SNAP91: variants seen among roughly 807,000 people sequenced by gnomAD.
The protein encoded by SNAP91 is clathrin coat assembly protein AP180.
Under a neutral mutation model 100.3 loss-of-function variants are expected in SNAP91, and 27 were observed. That is an observed-to-expected ratio of 0.27 (90% CI 0.20 to 0.37). The LOEUF (loss-of-function observed/expected upper bound fraction) is 0.37. Among genes scored for constraint, SNAP91 ranks in the 10% least tolerant of loss-of-function variants. The probability of loss-of-function intolerance (pLI) is 1.00; values close to 1 mark genes in which losing one functional copy is unlikely to be tolerated. For missense variants in SNAP91, 986 were observed against 1,123.7 expected (o/e 0.88, Z 1.75); for synonymous variants, 404 against 398.6 (o/e 1.01, Z -0.16).
At chr6:83,592,063 T>C (rs763092771) in intron 21 of SNAP91, among the ~76,000 whole-genome samples, 1 of 152,230 alleles carries the variant, frequency 6.6e-6, no homozygotes, top group Non-Finnish European at 1.5e-5. Flanking sequence ...TTGTTTTCAT[T>C]TCTAAATTAT....
intron 8 of SNAP91, among the ~76,000 whole-genome samples, chr6:83,629,764 TA>T (rs1212957309): frequency 6.6e-6 from 1 of 152,028 alleles, no homozygotes; most frequent in Non-Finnish European, 1.5e-5. Flanking sequence ...GAGGAGTCTT[TA>T]GGGTTTTTTA....
chr6:83,608,173 T>A (rs1038625183), intron 12 of SNAP91, among the ~76,000 whole-genome samples: 1 of 152,112 alleles, frequency 6.6e-6, no homozygotes, highest in African/African-American at 2.4e-5. Flanking sequence ...TAATAATTGC[T>A]AAAAAAACCA....
At position 83,564,319 on chromosome 6, in the gene SNAP91, T is replaced by C. The variant is rs533096521; in HGVS notation, c.2443-3372A>G. On this transcript the variant is annotated intron_variant, in intron 26 of 29. Transcript: ENST00000369694. ...ATCAAGAAAGAATAGGCTCTTCCTT[T>C]CTTTCTTTCTCTTTTCTTTTTTTTT... is the stretch of plus-strand genomic sequence containing the variant. 4.0e-5 allele frequency among the ~76,000 whole-genome samples: 6 copies of C among 149,774 alleles called. No homozygotes were observed. The South Asian group carries it at 1.3e-3, about 32-fold the overall frequency.
chr6:83,652,187 T>C (rs1002683666), intron 7 of SNAP91, among the ~76,000 whole-genome samples: 3 of 152,146 alleles, frequency 2.0e-5, no homozygotes, highest in Non-Finnish European at 2.9e-5. Context: ...ATTTAGACCA[T>C]TGAGGTTAAA....
At chr6:83,684,734 AC>A (rs1411179010) in intron 2 of SNAP91, among the ~76,000 whole-genome samples, 2 of 152,138 alleles carry the variant, frequency 1.3e-5, no homozygotes, top group African/African-American at 4.8e-5. Flanking sequence ...TATCTTAAAA[AC>A]CTGTAATAGT....
chr6:83,610,710 A>AATATATATAT (rs747428612), intron 11 of SNAP91, 33 bp from the exon 12 acceptor site: 70 of 211,502 alleles, frequency 3.3e-4, no homozygotes, highest in Non-Finnish European at 3.7e-4. Context: ...ATTAAAACTG[A>AATATATATAT]ATATATATAT....
rs531835464 is a variant in SNAP91 at position 83,708,269 on chromosome 6, T to C, written c.-30-312A>G. ...TGGGGACCCCCCTGTCAATCAGCAC[T>C]TTCCCCGCAACCTGACCCGCGGGTG... On this transcript the variant is annotated intron_variant, in intron 1 of 29. Coordinates refer to ENST00000369694, the MANE Select transcript of SNAP91 (RefSeq NM_001242792.2). 13 of 248,034 alleles carry C rather than the reference T, an allele frequency of 5.2e-5. No individual in the cohort carries two copies. The East Asian group carries it at 1.3e-3, about 24-fold the overall frequency. 15.4% of individuals were successfully genotyped at this position (248,034 alleles called of 1,614,324 possible). A position where few individuals can be genotyped will look rare whatever the true frequency, so the allele number is the denominator to read the frequency against.
chr6:83,682,244 C>A (rs567477174), intron 2 of SNAP91, among the ~76,000 whole-genome samples: 5 of 144,290 alleles, frequency 3.5e-5, no homozygotes, highest in African/African-American at 1.3e-4. Context: ...GTGGTACAAT[C>A]ATGGCTCACT....
intron 7 of SNAP91, among the ~76,000 whole-genome samples, chr6:83,642,175 ATTC>A (rs1402624858): frequency 6.6e-6 from 1 of 151,254 alleles, no homozygotes; most frequent in Non-Finnish European, 1.5e-5. Context: ...TTTTTTCAGT[ATTC>A]TTTTTTTAAT....
intron 8 of SNAP91, among the ~76,000 whole-genome samples, chr6:83,639,901 T>C (rs371748956): frequency 2.4e-4 from 36 of 152,230 alleles, no homozygotes; most frequent in African/African-American, 7.7e-4. Context: ...TAATTACGGT[T>C]AAACCATGGC....
At position 83,556,241 on chromosome 6, in the gene SNAP91, G is replaced by C; in HGVS notation, c.2636C>G (p.Ser879Cys). 6.6e-7 allele frequency: 1 copy of C among 1,514,524 alleles called. No individual in the cohort carries two copies. The highest frequency in any genetic ancestry group is 2.6e-5 in the East Asian group (1 of 37,838). 93.8% of individuals were successfully genotyped at this position (1,514,524 alleles called of 1,614,324 possible). ...CTGACTGGCAGGTGTAGGGCTTGGA[G>C]AAAGCTAATGGGAAAAAGCCAGCCC... ...GAAAVPGTQLSPSPTPASQSP... is the reference protein window; with the variant it reads ...GAAAVPGTQLCPSPTPASQSP... Residue 879 changes from serine to cysteine, a missense_variant, in exon 29 of 30, where the codon TCT (serine) becomes TGT (cysteine). Physicochemically the swap from Ser to Cys is moderately radical, Grantham distance 112. Transcript: ENST00000369694.
At chr6:83,704,176 A>G (rs2099351991) in intron 2 of SNAP91, among the ~76,000 whole-genome samples, 1 of 152,226 alleles carries the variant, frequency 6.6e-6, no homozygotes, top group Non-Finnish European at 1.5e-5. Context: ...AAAAAGGTAA[A>G]TACTCATTGA....
chr6:83,684,727 C>G (rs2128939172), intron 2 of SNAP91, among the ~76,000 whole-genome samples: 1 of 152,242 alleles, frequency 6.6e-6, no homozygotes, highest in Non-Finnish European at 1.5e-5. Context: ...TTTTCCTTAT[C>G]TTAAAAACCT....
intron 19 of SNAP91, 81 bp downstream of exon 19, chr6:83,593,101 T>G: frequency 5.3e-6 from 8 of 1,502,154 alleles, no homozygotes; most frequent in Non-Finnish European, 5.4e-6. Context: ...ACAAATGCAT[T>G]ATCACAGGTG....
chr6:83,684,016 C>T (rs184175560), intron 2 of SNAP91, among the ~76,000 whole-genome samples: 1 of 152,184 alleles, frequency 6.6e-6, no homozygotes, highest in Non-Finnish European at 1.5e-5. Context: ...TTGCCTCATA[C>T]CTTTGTTTCC....
intron 8 of SNAP91, among the ~76,000 whole-genome samples, chr6:83,629,971 T>C (rs1461868637): frequency 6.6e-6 from 1 of 152,068 alleles, no homozygotes; most frequent in East Asian, 1.9e-4. Context: ...CATTCAGTAT[T>C]ATGCTGGTTG....
At chr6:83,646,594 T>G (rs2128604607) in intron 7 of SNAP91, among the ~76,000 whole-genome samples, 1 of 152,320 alleles carries the variant, frequency 6.6e-6, no homozygotes, top group East Asian at 1.9e-4. Flanking sequence ...CACAATATCT[T>G]GATTACTGTA....
intron 2 of SNAP91, among the ~76,000 whole-genome samples, chr6:83,680,887 AG>A (rs2098979528): frequency 6.6e-6 from 1 of 152,132 alleles, no homozygotes; most frequent in African/African-American, 2.4e-5. Flanking sequence ...CAGGGATTGA[AG>A]TTGGGCTGCA....
At chr6:83,668,515 T>C (rs993162802) in intron 2 of SNAP91, among the ~76,000 whole-genome samples, 1 of 152,156 alleles carries the variant, frequency 6.6e-6, no homozygotes, top group South Asian at 2.1e-4. Flanking sequence ...AAATGATGAG[T>C]TCATGTCCTT....
Sources: allele counts gnomAD v4.1 joint callset (sites outside exome capture counted in the v4.1 genomes callset), GRCh38; gene constraint gnomAD v4.1.1; transcripts MANE v1.5; gene names NCBI Gene and HGNC (gene_info 2026-07-23, HGNC 2026-07-21).